Variants in RELB observed in about 807,000 individuals in gnomAD.
RELB encodes transcription factor RelB.
Under a neutral mutation model 55.4 loss-of-function variants are expected in RELB, and 14 were observed. The ratio of observed to expected loss-of-function variants is 0.25; its 90% CI spans 0.17 to 0.40. The LOEUF (loss-of-function observed/expected upper bound fraction) is 0.40. Among genes scored for constraint, RELB ranks in the 10% least tolerant of loss-of-function variants. The probability of loss-of-function intolerance (pLI) is 1.00; values close to 1 mark genes in which losing one functional copy is unlikely to be tolerated. For missense variants in RELB, 669 were observed against 830.7 expected, an observed-to-expected ratio of 0.81 and a Z score of 2.39; for synonymous variants, 409 against 371.3, an observed-to-expected ratio of 1.10 and a Z score of -1.17.
chr19:45,030,051 C>T (rs1210846023), intron 8 of RELB, among the ~76,000 whole-genome samples: 4 of 151,972 alleles, frequency 2.6e-5, no homozygotes, highest in Admixed American at 6.6e-5. Flanking sequence ...CCTGTAGTCC[C>T]AGTTACTTGA....
At chr19:45,017,514 C>T (rs1175957451) in intron 4 of RELB, among the ~76,000 whole-genome samples, 5 of 149,122 alleles carry the variant, frequency 3.4e-5, no homozygotes, top group African/African-American at 1.2e-4. Context: ...TAATTGTGGG[C>T]TCCAAGTTTT....
chr19:45,025,476 G>A lies in RELB; in HGVS notation c.754+56G>A, dbSNP rs373500365. The A allele has an allele frequency of 1.5e-4, 239 of 1,567,002 alleles. 1 individual carries two copies. Among genetic ancestry groups the A allele is most frequent in the Non-Finnish European group, 2.0e-4 (226 of 1,147,150 alleles). On this transcript the variant is annotated intron_variant, in intron 6 of 11. Coordinates refer to ENST00000221452, the MANE Select transcript of RELB (RefSeq NM_006509.4). The stretch of plus-strand genomic sequence containing the variant: ...CGTCCTCCCAAACCCCTTGACTTCC[G>A]TGCTCACCCTGGTCCCCTCACCACT...
At chr19:45,029,028 G>T (rs1276623739) in intron 8 of RELB, 36 bp downstream of exon 8, 7 of 1,470,142 alleles carry the variant, frequency 4.8e-6, no homozygotes, top group Non-Finnish European at 6.5e-6. Context: ...GGGCAGAGCG[G>T]GGTCTGGCAA....
rs1971666224 is a variant in RELB at position 45,034,613 on chromosome 19, C to A, written c.1354+85C>A. 3.4e-6 allele frequency: 4 copies of A among 1,172,456 alleles called. No homozygotes were observed. In the South Asian group the frequency reaches 4.1e-5, roughly 12 times the overall value. 72.6% of individuals were successfully genotyped at this position (1,172,456 alleles called of 1,614,324 possible). On this transcript the variant is annotated intron_variant, in intron 11 of 11. Coordinates refer to ENST00000221452, the MANE Select transcript of RELB (RefSeq NM_006509.4). ...CCTGCTTTTCTGGCCTCTTCACGCC[C>A]TCCAAGAGCAGCCACAAGGCGAGTC...
intron 4 of RELB, among the ~76,000 whole-genome samples, chr19:45,018,576 C>T (rs144191824): frequency 0.016 from 2,451 of 151,576 alleles, 84 homozygotes; most frequent in African/African-American, 0.056. Flanking sequence ...AGCAAGACTC[C>T]ATCTCAAAAA....
chr19:45,009,737 A>C, intron 2 of RELB, 77 bp from the exon 3 acceptor site: 1 of 1,520,700 alleles, frequency 6.6e-7, no homozygotes, highest in Non-Finnish European at 9.0e-7. Context: ...GGGTTGGGGA[A>C]TCTGTCTTAA....
intron 2 of RELB, 68 bp downstream of exon 2, chr19:45,003,064 A>G: frequency 6.8e-7 from 1 of 1,480,660 alleles, no homozygotes; most frequent in Non-Finnish European, 9.3e-7. Flanking sequence ...CTCCACAGAG[A>G]TGTCTCTGTT....
chr19:45,026,509 A>T (rs1222090430), intron 7 of RELB, among the ~76,000 whole-genome samples: 1 of 151,826 alleles, frequency 6.6e-6, no homozygotes, highest in Non-Finnish European at 1.5e-5. Flanking sequence ...GCACCACTGC[A>T]CTCCAGCCTG....
rs762653462 is a variant in RELB, at chr19:45,012,109, C to G, written c.337C>G (p.Arg113Gly). The change falls in exon 4 of 12, where the codon CGA becomes GGA. Residue 113 changes from arginine (R) to glycine (G), a missense_variant. Arg to Gly is a moderately radical substitution (Grantham distance 125). Transcript: ENST00000221452. Reference protein sequence around the residue: ...TPPPWGCPLGRLVSPAPGPGP... With the variant: ...TPPPWGCPLGGLVSPAPGPGP... ...GCCGCCTTGGGGCTGCCCCCTGGGC[C>G]GACTAGTGTCCCCAGCGCCGGGCCC... The G allele has an allele frequency of 2.6e-6, 4 of 1,555,192 alleles. No homozygotes were observed. The highest frequency in any genetic ancestry group is 3.5e-6 in the Non-Finnish European group (4 of 1,158,410).
chr19:45,001,616 C>A lies in RELB; in HGVS notation c.37C>A (p.Pro13Thr), dbSNP rs1369640505. Reference protein sequence around the residue: ...RSGPASGPSVPTGRAMPSRRV... With the variant: ...RSGPASGPSVTTGRAMPSRRV... ...TGGGCCAGCCTCTGGGCCGTCCGTCCCCACTGGCCGGGCCATGCCGAGTCG... is the reference window on the plus strand; with the variant it reads ...TGGGCCAGCCTCTGGGCCGTCCGTCACCACTGGCCGGGCCATGCCGAGTCG... The change falls in exon 1 of 12, where the codon CCC becomes ACC. Residue 13 changes from proline (P) to threonine (T), a missense_variant. By Grantham distance (38) the Pro-to-Thr change is conservative. Coordinates refer to ENST00000221452, the MANE Select transcript of RELB (RefSeq NM_006509.4). 1 of 1,517,444 alleles carries A rather than the reference C, an allele frequency of 6.6e-7. No homozygotes were observed. The highest frequency in any genetic ancestry group is 1.4e-5 in the African/African-American group (1 of 71,000). 94.0% of individuals were successfully genotyped at this position (1,517,444 alleles called of 1,614,324 possible). A position where few individuals can be genotyped will look rare whatever the true frequency, so the allele number is the denominator to read the frequency against.
intron 2 of RELB, among the ~76,000 whole-genome samples, chr19:45,004,791 T>G (rs1432767571): frequency 6.8e-6 from 1 of 146,524 alleles, no homozygotes; most frequent in Non-Finnish European, 1.5e-5. Flanking sequence ...CACTTGAACC[T>G]GGGAGGTGGA....
intron 5 of RELB, 62 bp downstream of exon 5, chr19:45,022,272 G>A: frequency 1.4e-6 from 2 of 1,478,818 alleles, no homozygotes; most frequent in Non-Finnish European, 1.8e-6. Flanking sequence ...GCGACTGGAG[G>A]CCACCCATGA....
At chr19:45,005,376 A>G (rs1056358758) in intron 2 of RELB, among the ~76,000 whole-genome samples, 1 of 152,076 alleles carries the variant, frequency 6.6e-6, no homozygotes, top group Non-Finnish European at 1.5e-5. Flanking sequence ...TCTTATATAC[A>G]TTTGCCAGGA....
chr19:45,018,670 A>G (rs866885222), intron 4 of RELB, among the ~76,000 whole-genome samples: 2 of 148,292 alleles, frequency 1.3e-5, no homozygotes, highest in East Asian at 2.0e-4. Flanking sequence ...CCTGTTATTT[A>G]TTTATTTTTT....
rs1173368598 is a variant in RELB at position 45,032,577 on chromosome 19, G to A, written c.1035G>A (p.Arg345=). The change falls in exon 9 of 12, where the codon CGG becomes CGA. Residue 345 remains arginine (R), a synonymous_variant. Coordinates refer to ENST00000221452, the MANE Select transcript of RELB (RefSeq NM_006509.4). ...VVFSRASWEG[R]ADFSQADVHR... The stretch of plus-strand genomic sequence containing the variant: ...TCAGCAGGGCCTCCTGGGAAGGTCG[G>A]GCTGACTTCTCCCAGGCCGACGTGC... 6.2e-7 allele frequency: 1 copy of A among 1,613,412 alleles called. No individual in the cohort carries two copies. The highest frequency in any genetic ancestry group is 1.3e-5 in the African/African-American group (1 of 74,890).
chr19:45,021,573 C>CT (rs748646881), intron 4 of RELB, among the ~76,000 whole-genome samples: 66,778 of 91,454 alleles, frequency 0.73, 26,533 homozygotes, highest in Non-Finnish European at 0.82. Context: ...TCAAAGTGGC[C>CT]TTTTTTTTTT....
intron 5 of RELB, among the ~76,000 whole-genome samples, chr19:45,024,323 G>C (rs1971530601): frequency 6.6e-6 from 1 of 150,862 alleles, no homozygotes; most frequent in Admixed American, 6.6e-5. Context: ...CACCATGCCT[G>C]GCTAATTTTT....
At position 45,018,720 on chromosome 19, in the gene RELB, A is replaced by C. The variant is rs188658565; in HGVS notation, c.505-3333A>C. On this transcript the variant is annotated intron_variant, in intron 4 of 11. Coordinates refer to ENST00000221452, the MANE Select transcript of RELB (RefSeq NM_006509.4). ...AGACAGAGTTTCGCTCTTGTTGCCC[A>C]GGCTGTAGTGCAATGGCGCGATCTC... Among the ~76,000 whole-genome samples, 208 of 150,240 alleles carry C rather than the reference A, an allele frequency of 1.4e-3. 3 individuals are homozygous for C. The South Asian group carries it at 0.028, about 20-fold the overall frequency.
At chr19:45,023,582 C>T (rs1971517743) in intron 5 of RELB, among the ~76,000 whole-genome samples, 1 of 151,102 alleles carries the variant, frequency 6.6e-6, no homozygotes, top group Admixed American at 6.7e-5. Context: ...GGACTGCAGG[C>T]GCCCACCACC....
Sources: gnomAD v4.1 joint callset for allele counts (sites outside exome capture counted in the v4.1 genomes callset) on GRCh38, gnomAD v4.1.1 for gene constraint, MANE v1.5 for transcripts, NCBI Gene and HGNC (gene_info 2026-07-23, HGNC 2026-07-21) for gene names.